Variants in RCOR1 observed in about 807,000 individuals in gnomAD.
The protein encoded by RCOR1 is REST corepressor.
RCOR1 carries 12 observed loss-of-function variants against 64.0 expected under a neutral mutation model. The ratio of observed to expected loss-of-function variants is 0.19; its 90% CI spans 0.12 to 0.30. RCOR1 has a LOEUF of 0.30. Among genes scored for constraint, RCOR1 ranks in the 10% least tolerant of loss-of-function variants. RCOR1 has a pLI of 1.00. For synonymous variants in RCOR1, 279 were observed against 227.2 expected (o/e 1.23, Z -2.05); for missense variants, 502 against 621.2 (o/e 0.81, Z 2.04).
chr14:102,656,094 A>G (rs1894717710), intron 2 of RCOR1: 1 of 985,114 alleles, frequency 1.0e-6, no homozygotes, highest in African/African-American at 1.7e-5. Flanking sequence ...GAGTGGAAAC[A>G]GATTCTTTTC....
chr14:102,730,355 A>G lies in RCOR1; in HGVS notation c.*3849A>G, dbSNP rs1478500712. 1.9e-5 allele frequency: 4 copies of G among 206,092 alleles called. No homozygotes were observed. Among genetic ancestry groups the G allele is most frequent in the Admixed American group, 5.9e-5 (1 of 16,880 alleles). 12.8% of individuals were successfully genotyped at this position (206,092 alleles called of 1,614,324 possible). A position where few individuals can be genotyped will look rare whatever the true frequency, so the allele number is the denominator to read the frequency against. On this transcript the variant is annotated 3_prime_UTR_variant, in exon 12 of 12. Coordinates refer to ENST00000262241, the MANE Select transcript of RCOR1 (RefSeq NM_015156.4). ...TGTTGTAATAATGCTGTTGTAAGTA[A>G]TATTTTAATGTCTCTTTGCCTGTTT...
In RCOR1 at chr14:102,726,453, T is replaced by TTTTTTTTTG; in HGVS notation, c.1420-15_1420-14insTTTTTTTTG. ...TCTTTGATCCTTTTTTTTTTTTTTT[T>TTTTTTTTTG]CCTCTTGGCCTCAGGCTCCTGTTCT... On this transcript the variant is annotated splice_polypyrimidine_tract_variant and intron_variant, in intron 11 of 11. Transcript: ENST00000262241. 6.4e-7 allele frequency: 1 copy of TTTTTTTTTG among 1,572,170 alleles called. No individual in the cohort carries two copies. The highest frequency in any genetic ancestry group is 8.6e-7 in the Non-Finnish European group (1 of 1,168,272).
chr14:102,684,086 G>C (rs987046036), intron 3 of RCOR1, among the ~76,000 whole-genome samples: 21 of 152,216 alleles, frequency 1.4e-4, no homozygotes, highest in African/African-American at 5.1e-4. Context: ...CTGAGCGCTA[G>C]GAACAGGTTC....
chr14:102,676,614 C>A (rs1390304469), intron 2 of RCOR1, among the ~76,000 whole-genome samples: 1 of 88,032 alleles, frequency 1.1e-5, no homozygotes. Flanking sequence ...CCGGACGGGG[C>A]GGCTGGCCAG....
intron 3 of RCOR1, among the ~76,000 whole-genome samples, chr14:102,683,167 T>C (rs1267967980): frequency 6.6e-6 from 1 of 152,206 alleles, no homozygotes; most frequent in African/African-American, 2.4e-5. Context: ...TACAGTTTTA[T>C]TGTAAGCCCT....
Position 102,729,127 on chromosome 14 carries a change from TCTC to T in RCOR1, c.*2624_*2626del, listed in dbSNP as rs1196506523. 1 of 152,680 alleles carries T rather than the reference TCTC, an allele frequency of 6.5e-6. No homozygotes were observed. Among genetic ancestry groups the T allele is most frequent in the Non-Finnish European group, 1.5e-5 (1 of 68,050 alleles). The allele number at this position is 152,680 out of a possible 1,614,324, so 9.5% of individuals were successfully genotyped here. A position where few individuals can be genotyped will look rare whatever the true frequency, so the allele number is the denominator to read the frequency against. ...TTATATATATTTTTGTGGAAAATTTTCTCCTAAGTATAAGTTATTGTGCAAAAT... is the reference window on the plus strand; with the variant it reads ...TTATATATATTTTTGTGGAAAATTTTCTAAGTATAAGTTATTGTGCAAAAT... On this transcript the variant is annotated 3_prime_UTR_variant, in exon 12 of 12. Transcript: ENST00000262241.
chr14:102,691,629 C>G (rs1567437294), intron 3 of RCOR1, among the ~76,000 whole-genome samples: 1 of 152,088 alleles, frequency 6.6e-6, no homozygotes, highest in Non-Finnish European at 1.5e-5. Flanking sequence ...GTATTTTCAT[C>G]ACTTTAATTT....
chr14:102,631,102 A>G (rs1894101995), intron 2 of RCOR1, among the ~76,000 whole-genome samples: 1 of 152,090 alleles, frequency 6.6e-6, no homozygotes, highest in African/African-American at 2.4e-5. Context: ...CACTTCTGTC[A>G]CATTTCCCCG....
intron 2 of RCOR1, among the ~76,000 whole-genome samples, chr14:102,632,289 T>A (rs2139911110): frequency 6.6e-6 from 1 of 150,694 alleles, no homozygotes; most frequent in Non-Finnish European, 1.5e-5. Flanking sequence ...TGATCTCGGC[T>A]CACTGCAAGT....
chr14:102,707,341 A>G lies in RCOR1; in HGVS notation c.499-10A>G, dbSNP rs757977894. 4 of 1,566,912 alleles carry G rather than the reference A, an allele frequency of 2.6e-6. No homozygotes were observed. The South Asian group carries it at 4.8e-5, about 19-fold the overall frequency. ...TTTGATCTAAAATTTTACTGATATC[A>G]TTTTTGTAGGCTCTTGGGATGCTCT... On this transcript the variant is annotated splice_polypyrimidine_tract_variant and intron_variant, in intron 4 of 11. Transcript: ENST00000262241.
At chr14:102,640,613 A>G (rs1894347449) in intron 2 of RCOR1, among the ~76,000 whole-genome samples, 2 of 152,212 alleles carry the variant, frequency 1.3e-5, no homozygotes, top group Non-Finnish European at 2.9e-5. Context: ...AATGAGATGT[A>G]ATTGAGGTCA....
chr14:102,673,943 C>T (rs1895086029), intron 2 of RCOR1, among the ~76,000 whole-genome samples: 1 of 152,194 alleles, frequency 6.6e-6, no homozygotes, highest in South Asian at 2.1e-4. Flanking sequence ...AGATTTTCCT[C>T]TATTTTTGTC....
At chr14:102,611,867 T>C (rs1189450234) in intron 2 of RCOR1, among the ~76,000 whole-genome samples, 1 of 152,220 alleles carries the variant, frequency 6.6e-6, no homozygotes, top group Non-Finnish European at 1.5e-5. Context: ...TGTCTTGCTC[T>C]GTCACTCAGG....
Position 102,726,560 on chromosome 14 carries a change from A to C in RCOR1, c.*54A>C. ...GGACTACTGTGTTATCCGGGATATC[A>C]GGTATTATGAGACATCACCTAGCCA... On this transcript the variant is annotated 3_prime_UTR_variant, in exon 12 of 12. Coordinates refer to ENST00000262241, the MANE Select transcript of RCOR1 (RefSeq NM_015156.4). The C allele has an allele frequency of 6.9e-7, 1 of 1,449,648 alleles. No individual in the cohort carries two copies. The highest frequency in any genetic ancestry group is 9.5e-7 in the Non-Finnish European group (1 of 1,052,726). 89.8% of individuals were successfully genotyped at this position (1,449,648 alleles called of 1,614,324 possible).
At chr14:102,672,403 G>A (rs1281452930) in intron 2 of RCOR1, among the ~76,000 whole-genome samples, 2 of 151,842 alleles carry the variant, frequency 1.3e-5, no homozygotes, top group Admixed American at 6.6e-5. Context: ...TAGTAGAGAC[G>A]GGGTTTCACC....
intron 2 of RCOR1, chr14:102,629,942 A>G: frequency 1.1e-6 from 1 of 934,296 alleles, no homozygotes; most frequent in Non-Finnish European, 1.3e-6. Context: ...TGACTTGACT[A>G]TTATTACATT....
At chr14:102,604,379 A>G (rs921427235) in intron 2 of RCOR1, among the ~76,000 whole-genome samples, 3 of 152,210 alleles carry the variant, frequency 2.0e-5, no homozygotes, top group Admixed American at 2.0e-4. Context: ...TTATAAGGCA[A>G]TGGGTAGTGT....
chr14:102,623,831 C>T (rs1158725288), intron 2 of RCOR1, among the ~76,000 whole-genome samples: 9 of 151,314 alleles, frequency 5.9e-5, no homozygotes, highest in African/African-American at 2.2e-4. Context: ...CCGAGGCAGG[C>T]GGATCATGAA....
Position 102,707,472 on chromosome 14 carries a change from T to G in RCOR1, c.620T>G (p.Phe207Cys). 6.2e-7 allele frequency: 1 copy of G among 1,610,334 alleles called. No homozygotes were observed. Residue 207 changes from phenylalanine to cysteine, a missense_variant, in exon 5 of 12, where the codon TTT becomes TGT. Around this residue, in one of 2 missense-constraint regions of RCOR1, gnomAD observed 260 missense variants for 416.4 expected, o/e 0.62. Coordinates refer to ENST00000262241, the MANE Select transcript of RCOR1 (RefSeq NM_015156.4). ...GATAAAGTCTTATTTGAGCAAGCCT[T>G]TAGTTTTCATGGGAAAACTTTTCAT... ...VEDKVLFEQAFSFHGKTFHRI... is the reference protein window; with the variant it reads ...VEDKVLFEQACSFHGKTFHRI...
Sources: gnomAD v4.1 joint callset for allele counts (sites outside exome capture counted in the v4.1 genomes callset) on GRCh38, gnomAD v4.1.1 for gene constraint, gnomAD v4.1.1 regional missense constraint, MANE v1.5 for transcripts, NCBI Gene and HGNC (gene_info 2026-07-23, HGNC 2026-07-21) for gene names.